SEZ6L2: variants seen among roughly 807,000 people sequenced by gnomAD.
SEZ6L2 encodes the protein seizure related 6 homolog like 2, also known as seizure 6-like protein 2.
SEZ6L2 carries 44 observed loss-of-function variants against 97.0 expected under a neutral mutation model. The ratio of observed to expected loss-of-function variants is 0.45; its 90% CI spans 0.36 to 0.58. The LOEUF is 0.58. Ranked by LOEUF, SEZ6L2 falls within the 20% of genes least tolerant of loss-of-function variation. SEZ6L2 has a pLI of 0.00. For synonymous variants in SEZ6L2, 543 were observed against 546.1 expected, an observed-to-expected ratio of 0.99 and a Z score of 0.08; for missense variants, 1,086 against 1,233.3, an observed-to-expected ratio of 0.88 and a Z score of 1.79.
intron 4 of SEZ6L2, 55 bp downstream of exon 4, chr16:29,895,666 C>T: frequency 6.4e-7 from 1 of 1,570,644 alleles, no homozygotes; most frequent in South Asian, 1.2e-5. Context: ...TGCACACCCA[C>T]AGCCCAGAGG....
In SEZ6L2 at chr16:29,871,715, T is replaced by C; in HGVS notation, c.2756A>G (p.Tyr919Cys). ...PLYEAGDTREYEVSI is the reference protein window; with the variant it reads ...PLYEAGDTRECEVSI ...TCTTGGGGTTCAGATGGAAACTTCA[T>C]ACTCCCGCGTATCCTGAAGACAGAG... The change falls in exon 18 of 18, where the codon TAT becomes TGT. Residue 919 changes from tyrosine to cysteine, a missense_variant. Coordinates refer to ENST00000617533, the MANE Select transcript of SEZ6L2 (RefSeq NM_001243332.2). The C allele has an allele frequency of 6.2e-7, 1 of 1,609,098 alleles. No individual in the cohort carries two copies. Among genetic ancestry groups the C allele is most frequent in the Non-Finnish European group, 8.5e-7 (1 of 1,177,648 alleles).
intron 8 of SEZ6L2, among the ~76,000 whole-genome samples, chr16:29,884,069 T>C (rs939723651): frequency 1.3e-5 from 2 of 152,102 alleles, no homozygotes; most frequent in African/African-American, 4.8e-5. Context: ...CCAATTTTAA[T>C]TTTGGGACGC....
At chr16:29,877,162 G>C in intron 11 of SEZ6L2, 109 bp downstream of exon 11, 1 of 1,266,792 alleles carries the variant, frequency 7.9e-7, no homozygotes, top group Non-Finnish European at 1.1e-6. Context: ...CTCCCGCCTC[G>C]GCCTCCCAAG....
intron 4 of SEZ6L2, 86 bp from the exon 5 acceptor site, chr16:29,895,546 T>C: frequency 6.7e-7 from 1 of 1,493,614 alleles, no homozygotes; most frequent in East Asian, 2.3e-5. Context: ...TTGCCCTGTG[T>C]GTAGCAGCCC....
rs1177843783 is a variant in SEZ6L2 at position 29,885,682 on chromosome 16, G to A, written c.1276C>T (p.Pro426Ser). Reference protein sequence around the residue: ...VIYDSDMDDVPERGLISDAQS... With the variant: ...VIYDSDMDDVSERGLISDAQS... Reference sequence around the variant, plus strand: ...GCGTCACTGATGAGACCCCGCTCGGGGACATCGTCCATGTCCGAATCATAG... The same window carrying A: ...GCGTCACTGATGAGACCCCGCTCGGAGACATCGTCCATGTCCGAATCATAG... Residue 426 changes from proline (P) to serine (S), a missense_variant, in exon 8 of 18, where the codon CCC becomes TCC. Physicochemically the swap from Pro to Ser is moderately conservative, Grantham distance 74 (BLOSUM62 -1). Transcript: ENST00000617533. 1 of 1,613,952 alleles carries A rather than the reference G, an allele frequency of 6.2e-7. No individual in the cohort carries two copies. The highest frequency in any genetic ancestry group is 8.5e-7 in the Non-Finnish European group (1 of 1,179,964).
chr16:29,885,416 G>A (rs949354431), intron 8 of SEZ6L2, among the ~76,000 whole-genome samples, 170 bp downstream of exon 8: 2 of 152,014 alleles, frequency 1.3e-5, no homozygotes, highest in African/African-American at 4.8e-5. Context: ...GGAAGGAGAA[G>A]GGGTCCCTAG....
intron 9 of SEZ6L2, 109 bp from the exon 10 acceptor site, chr16:29,878,534 C>A: frequency 2.5e-6 from 2 of 785,040 alleles, no homozygotes; most frequent in Non-Finnish European, 3.6e-6. Context: ...CGCTTGTTTC[C>A]TATTACCTAT....
At chr16:29,895,229 C>A (rs756310138) in intron 5 of SEZ6L2, 30 bp downstream of exon 5, 1 of 1,585,200 alleles carries the variant, frequency 6.3e-7, no homozygotes, top group East Asian at 2.2e-5. Context: ...ATGGCCCCTG[C>A]CCTTCCAGCA....
chr16:29,896,087 C>T (rs529979947), intron 3 of SEZ6L2, among the ~76,000 whole-genome samples: 4 of 152,188 alleles, frequency 2.6e-5, no homozygotes, highest in Non-Finnish European at 2.9e-5. Context: ...CTCAGCCTCC[C>T]GAGTAGCTGG....
In SEZ6L2 at chr16:29,876,984, G is replaced by GT. The variant is rs2067918311; in HGVS notation, c.1910-35dup. 6.4e-7 allele frequency: 1 copy of GT among 1,568,246 alleles called. No homozygotes were observed. Among genetic ancestry groups the GT allele is most frequent in the African/African-American group, 1.3e-5 (1 of 74,194 alleles). On this transcript the variant is annotated intron_variant, in intron 11 of 17. Coordinates refer to ENST00000617533, the MANE Select transcript of SEZ6L2 (RefSeq NM_001243332.2). The surrounding 1 kb of genome is among the most constrained non-coding windows in gnomAD (Gnocchi z 6.5). ...GAGGGAAGGCGAGTTTGGAGGCTGCGTTTTAACTGCGGGCTCCCTTCCAGC... is the reference window on the plus strand; with the variant it reads ...GAGGGAAGGCGAGTTTGGAGGCTGCGTTTTTAACTGCGGGCTCCCTTCCAGC...
intron 10 of SEZ6L2, 88 bp from the exon 11 acceptor site, chr16:29,877,555 T>A: frequency 8.3e-7 from 1 of 1,210,252 alleles, no homozygotes; most frequent in Non-Finnish European, 1.1e-6. Flanking sequence ...TGCTCATTGG[T>A]AGCCCCTCCT....
At chr16:29,885,502 G>C (rs2068117952) in intron 8 of SEZ6L2, 84 bp downstream of exon 8, 2 of 1,431,540 alleles carry the variant, frequency 1.4e-6, no homozygotes, top group Admixed American at 1.8e-5. Context: ...AACAGGCATA[G>C]AGTTTGTGCT....
chr16:29,874,274 G>C (rs2067851386), intron 12 of SEZ6L2, among the ~76,000 whole-genome samples: 1 of 152,100 alleles, frequency 6.6e-6, no homozygotes, highest in South Asian at 2.1e-4. Flanking sequence ...CACCATACCA[G>C]AGCATACTAG....
At chr16:29,883,005 T>A (rs2150794430) in intron 8 of SEZ6L2, among the ~76,000 whole-genome samples, 1 of 152,286 alleles carries the variant, frequency 6.6e-6, no homozygotes, top group East Asian at 1.9e-4. Context: ...ACTTTAACAC[T>A]CCCAGAATCT....
At chr16:29,883,930 C>CAAT (rs200466367) in intron 8 of SEZ6L2, among the ~76,000 whole-genome samples, 2,779 of 151,310 alleles carry the variant, frequency 0.018, 35 homozygotes, top group African/African-American at 0.028. Context: ...AGACCTATTT[C>CAAT]AATAATAATA....
At chr16:29,898,615 C>T (rs2068459760) in intron 1 of SEZ6L2, among the ~76,000 whole-genome samples, 1 of 152,188 alleles carries the variant, frequency 6.6e-6, no homozygotes, top group Non-Finnish European at 1.5e-5. Context: ...CCTGGCATCT[C>T]TCTCAGCACC....
At chr16:29,883,817 A>C (rs996593730) in intron 8 of SEZ6L2, among the ~76,000 whole-genome samples, 4 of 152,106 alleles carry the variant, frequency 2.6e-5, no homozygotes, top group African/African-American at 9.7e-5. Flanking sequence ...TTGTGGTCCC[A>C]GCTACTAGGG....
rs556382567 is a variant in SEZ6L2 at position 29,889,046 on chromosome 16, A to G, written c.854-321T>C. Among the ~76,000 whole-genome samples the G allele has an allele frequency of 8.6e-5, 13 of 150,850 alleles. No homozygotes were observed. In the South Asian group the frequency reaches 2.5e-3, roughly 29 times the overall value. ...TTGTTGTGTGACTTCAGGCAAATCA[A>G]TGAACTACTCTGAACTTCATCCAGC... On this transcript the variant is annotated intron_variant, in intron 5 of 17. Coordinates refer to ENST00000617533, the MANE Select transcript of SEZ6L2 (RefSeq NM_001243332.2).
At position 29,881,620 on chromosome 16, in the gene SEZ6L2, C is replaced by CTTTT. The variant is rs59318540; in HGVS notation, c.1373-1560_1373-1557dup. Among the ~76,000 whole-genome samples the CTTTT allele has an allele frequency of 1.6e-3, 140 of 85,084 alleles. 2 individuals are homozygous for CTTTT. Among genetic ancestry groups the CTTTT allele is most frequent in the Non-Finnish European group, 2.2e-3 (103 of 47,582 alleles). 55.8% of individuals were successfully genotyped at this position (85,084 alleles called of 152,430 possible). ...GTGCCTATGATACCAATGAGGAATT[C>CTTTT]TTTTTTTTTTTTTTTTTTTTTTTTG... On this transcript the variant is annotated intron_variant, in intron 8 of 17. Transcript: ENST00000617533.
Sources: allele counts gnomAD v4.1 joint callset (sites outside exome capture counted in the v4.1 genomes callset), GRCh38; gene constraint gnomAD v4.1.1; non-coding constraint Gnocchi (gnomAD v3.1); transcripts MANE v1.5; gene names NCBI Gene and HGNC (gene_info 2026-07-23, HGNC 2026-07-21).